The following CCDC93 variants were observed in gnomAD, a reference collection of about 807,000 sequenced individuals.
The protein encoded by CCDC93 is coiled-coil domain-containing protein 93.
CCDC93 carries 61 observed loss-of-function variants against 108.2 expected under a neutral mutation model. The observed-to-expected ratio is 0.56, with a 90% CI of 0.46 to 0.70. The LOEUF (loss-of-function observed/expected upper bound fraction) is 0.70. Ranked by LOEUF, CCDC93 falls within the 30% of genes least tolerant of loss-of-function variation. The probability of loss-of-function intolerance (pLI) is 0.00; values close to 1 mark genes in which losing one functional copy is unlikely to be tolerated. For missense variants in CCDC93, 685 were observed against 764.2 expected, an observed-to-expected ratio of 0.90 and a Z score of 1.22; for synonymous variants, 276 against 260.4, an observed-to-expected ratio of 1.06 and a Z score of -0.58.
chr2:117,917,449 T>C lies in CCDC93; in HGVS notation c.*2894A>G, dbSNP rs995125381. ...CTTCCCATGCCTGGACCCTGGACCT[T>C]CTGGTTGTGCTGATGGACTCAGCGG... is the stretch of plus-strand genomic sequence containing the variant. On this transcript the variant is annotated 3_prime_UTR_variant, in exon 24 of 24. Coordinates refer to ENST00000376300, the MANE Select transcript of CCDC93 (RefSeq NM_019044.5). The C allele has an allele frequency of 6.5e-6, 1 of 152,678 alleles. No homozygotes were observed. Among genetic ancestry groups the C allele is most frequent in the African/African-American group, 2.4e-5 (1 of 41,444 alleles). The allele number at this position is 152,678 out of a possible 1,614,324, so 9.5% of individuals were successfully genotyped here.
chr2:117,994,100 T>G (rs1680569650), intron 6 of CCDC93, among the ~76,000 whole-genome samples: 1 of 152,196 alleles, frequency 6.6e-6, no homozygotes, highest in South Asian at 2.1e-4. Context: ...AAATTATCTT[T>G]AAAGTATGAT....
Position 117,946,853 on chromosome 2 carries a change from A to G in CCDC93, c.1254T>C (p.Ile418=). ...REEMTRLQQE[I]ENLKAERAPR... is the part of the protein sequence containing the mutation. ...GTGCTCTCTCAGCTTTCAGGTTTTC[A>G]ATTTCTTGCTGTAGTCGTGTCATCT... The change falls in exon 16 of 24, where the codon ATT becomes ATC. Residue 418 remains isoleucine (I), a synonymous_variant. Coordinates refer to ENST00000376300, the MANE Select transcript of CCDC93 (RefSeq NM_019044.5). 6.2e-7 allele frequency: 1 copy of G among 1,613,748 alleles called. No homozygotes were observed. Among genetic ancestry groups the G allele is most frequent in the Non-Finnish European group, 8.5e-7 (1 of 1,179,662 alleles).
rs371712426 is a variant in CCDC93, at chr2:117,974,836, C to T, written c.801+14G>A. On this transcript the variant is annotated intron_variant, in intron 10 of 23. Coordinates refer to ENST00000376300, the MANE Select transcript of CCDC93 (RefSeq NM_019044.5). ...CCAAGTCCCCATCCCCACACCTCCCCGACTCCCACTCACCTCCTCATTTGC... is the reference window on the plus strand; with the variant it reads ...CCAAGTCCCCATCCCCACACCTCCCTGACTCCCACTCACCTCCTCATTTGC... 1,430 of 1,565,776 alleles carry T rather than the reference C, an allele frequency of 9.1e-4. 1 individual carries two copies. Among genetic ancestry groups the T allele is most frequent in the Non-Finnish European group, 1.1e-3 (1,281 of 1,153,742 alleles).
At chr2:117,988,100 CAT>C (rs952477350) in intron 6 of CCDC93, among the ~76,000 whole-genome samples, 35 of 150,616 alleles carry the variant, frequency 2.3e-4, no homozygotes, top group African/African-American at 8.0e-4. Flanking sequence ...GGTTCTGATA[CAT>C]ATATATATAT....
chr2:118,008,716 G>A (rs7596280), intron 1 of CCDC93, 58 bp from the exon 2 acceptor site: 16 of 1,072,922 alleles, frequency 1.5e-5, no homozygotes, highest in Non-Finnish European at 2.0e-5. Flanking sequence ...AGGAACACCA[G>A]GTATATCCCC....
At chr2:117,932,213 C>T (rs757437697) in intron 22 of CCDC93, among the ~76,000 whole-genome samples, 35 of 152,268 alleles carry the variant, frequency 2.3e-4, no homozygotes, top group Non-Finnish European at 4.6e-4. Flanking sequence ...ACGGTACAGA[C>T]CGGGTGCCTG....
In CCDC93 at chr2:117,941,276, C is replaced by G; in HGVS notation, c.1435G>C (p.Ala479Pro). 6.2e-7 allele frequency: 1 copy of G among 1,613,856 alleles called. No homozygotes were observed. The highest frequency in any genetic ancestry group is 8.5e-7 in the Non-Finnish European group (1 of 1,179,766). Reference protein sequence around the residue: ...LLQARRNREIAILHRKIDEVP... With the variant: ...LLQARRNREIPILHRKIDEVP... ...TCATCAATCTTGCGGTGCAAAATTG[C>G]TATTTCTCGATTTCTTCGAGCCTAA... The change falls in exon 19 of 24, where the codon GCA (alanine) becomes CCA (proline). Residue 479 changes from alanine to proline, a missense_variant. Physicochemically the swap from Ala to Pro is conservative, Grantham distance 27. Coordinates refer to ENST00000376300, the MANE Select transcript of CCDC93 (RefSeq NM_019044.5).
At position 117,935,548 on chromosome 2, in the gene CCDC93, A is replaced by T; in HGVS notation, c.1675T>A (p.Phe559Ile). Residue 559 changes from phenylalanine to isoleucine, a missense_variant, in exon 22 of 24, where the codon TTT (phenylalanine) becomes ATT (isoleucine). Physicochemically the swap from Phe to Ile is conservative, Grantham distance 21 (BLOSUM62 0). Coordinates refer to ENST00000376300, the MANE Select transcript of CCDC93 (RefSeq NM_019044.5). ...ACAATCTGTTCCATCTGACGTAAAA[A>T]CTGGTCCCGGGCAGCAGGGGAGGCC... ...AMASPAARDQFLRQMEQIVEG... is the reference protein window; with the variant it reads ...AMASPAARDQILRQMEQIVEG... 1 of 1,613,900 alleles carries T rather than the reference A, an allele frequency of 6.2e-7. No individual in the cohort carries two copies. The highest frequency in any genetic ancestry group is 8.5e-7 in the Non-Finnish European group (1 of 1,179,872).
intron 18 of CCDC93, among the ~76,000 whole-genome samples, chr2:117,941,726 T>C (rs1351614576): frequency 6.6e-6 from 1 of 152,164 alleles, no homozygotes; most frequent in Admixed American, 6.5e-5. Flanking sequence ...AAATTCCTCA[T>C]CCTGGTTAAA....
intron 16 of CCDC93, 73 bp downstream of exon 16, chr2:117,946,738 C>CT: frequency 9.3e-7 from 1 of 1,073,444 alleles, no homozygotes; most frequent in South Asian, 1.3e-5. Context: ...GCGGTCTGCT[C>CT]TTTGGTCCTC....
Position 117,941,303 on chromosome 2 carries a change from T to G in CCDC93, c.1414-6A>C, listed in dbSNP as rs760395528. The G allele has an allele frequency of 1.2e-6, 2 of 1,608,566 alleles. No homozygotes were observed. The highest frequency in any genetic ancestry group is 1.1e-5 in the South Asian group (1 of 90,930). ...ATTTCTCGATTTCTTCGAGCCTAAA[T>G]GCAAAAGGGAGACAGAGACAGTACT... On this transcript the variant is annotated splice_region_variant and splice_polypyrimidine_tract_variant and intron_variant, in intron 18 of 23. Coordinates refer to ENST00000376300, the MANE Select transcript of CCDC93 (RefSeq NM_019044.5).
chr2:117,996,303 G>A lies in CCDC93; in HGVS notation c.423C>T (p.Tyr141=), dbSNP rs1399351306. ...KEEMGDYIRS[Y]SVSQFQKTYS... ...AAGTCTTCTGGAACTGGGATACAGA[G>A]TAGGAGCGGATATAGTCACCCATCT... The change falls in exon 5 of 24, where the codon TAC becomes TAT. Residue 141 remains tyrosine (Y), a synonymous_variant. Coordinates refer to ENST00000376300, the MANE Select transcript of CCDC93 (RefSeq NM_019044.5). The A allele has an allele frequency of 8.7e-6, 14 of 1,613,374 alleles. No homozygotes were observed. The highest frequency in any genetic ancestry group is 6.7e-5 in the Admixed American group (4 of 60,000).
chr2:118,012,645 T>A (rs1425746256), intron 1 of CCDC93: 1 of 152,174 alleles, frequency 6.6e-6, no homozygotes, highest in Non-Finnish European at 1.5e-5. Flanking sequence ...ACTTCAAATG[T>A]CACAGTACAA....
At chr2:117,991,795 A>G (rs1680482486) in intron 6 of CCDC93, among the ~76,000 whole-genome samples, 1 of 152,226 alleles carries the variant, frequency 6.6e-6, no homozygotes, top group Admixed American at 6.5e-5. Context: ...ACTTAAAATT[A>G]AGGATTTCCT....
chr2:118,005,862 T>G (rs1040717450), intron 3 of CCDC93, among the ~76,000 whole-genome samples: 11 of 151,918 alleles, frequency 7.2e-5, no homozygotes, highest in African/African-American at 2.7e-4. Flanking sequence ...AAATGCTGTA[T>G]AAATATAAAG....
chr2:117,927,025 A>C (rs1008294802), intron 23 of CCDC93, among the ~76,000 whole-genome samples: 12 of 152,210 alleles, frequency 7.9e-5, no homozygotes, highest in African/African-American at 2.4e-4. Context: ...AAACCACATG[A>C]TTATCTCAAT....
intron 11 of CCDC93, among the ~76,000 whole-genome samples, chr2:117,971,620 C>G (rs1050430169): frequency 1.1e-4 from 17 of 152,070 alleles, no homozygotes; most frequent in African/African-American, 4.1e-4. Flanking sequence ...AAAGCAGATA[C>G]TAGGGCAAAG....
chr2:118,010,933 A>G (rs1246760105), intron 1 of CCDC93, among the ~76,000 whole-genome samples: 1 of 152,206 alleles, frequency 6.6e-6, no homozygotes, highest in East Asian at 1.9e-4. Flanking sequence ...ACTAAGTATC[A>G]ACTATATACT....
chr2:117,923,280 G>A (rs761412825), intron 23 of CCDC93, among the ~76,000 whole-genome samples: 10 of 152,238 alleles, frequency 6.6e-5, no homozygotes, highest in East Asian at 5.8e-4. Flanking sequence ...AAGACAGCGC[G>A]TGCAGTGCAC....
Sources: gnomAD v4.1 joint callset for allele counts (sites outside exome capture counted in the v4.1 genomes callset) on GRCh38, gnomAD v4.1.1 for gene constraint, MANE v1.5 for transcripts, NCBI Gene and HGNC (gene_info 2026-07-23, HGNC 2026-07-21) for gene names.